Variants in CEP112 observed in about 807,000 individuals in gnomAD.
CEP112 encodes centrosomal protein 112.
In CEP112, 127 loss-of-function variants were observed where a neutral mutation model predicts 153.0. The observed-to-expected ratio is 0.83, with a 90% CI of 0.72 to 0.96. CEP112 has a LOEUF of 0.96. Ranked by LOEUF, CEP112 falls within the 40% of genes least tolerant of loss-of-function variation. CEP112 has a pLI of 0.00. For missense variants in CEP112, 1,089 were observed against 1,101.2 expected (o/e 0.99, Z 0.16); for synonymous variants, 358 against 374.4 (o/e 0.96, Z 0.51).
intron 19 of CEP112, among the ~76,000 whole-genome samples, 198 bp from the exon 20 acceptor site, chr17:65,902,532 A>G (rs1386027483): frequency 6.6e-6 from 1 of 152,048 alleles, no homozygotes; most frequent in Non-Finnish European, 1.5e-5. Context: ...ATAGTTGGGC[A>G]TATTCAGTAA....
At chr17:66,050,387 C>A (rs1478331158) in intron 12 of CEP112, among the ~76,000 whole-genome samples, 1 of 152,144 alleles carries the variant, frequency 6.6e-6, no homozygotes, top group Non-Finnish European at 1.5e-5. Flanking sequence ...GGGATCTGTT[C>A]ACCACACTTG....
chr17:65,759,742 C>T (rs1195813319), intron 21 of CEP112, among the ~76,000 whole-genome samples: 4 of 152,084 alleles, frequency 2.6e-5, no homozygotes, highest in African/African-American at 9.7e-5. Flanking sequence ...ATGAGGTAAG[C>T]GCTCATTTAG....
chr17:65,938,297 C>G (rs1485240440), intron 18 of CEP112, among the ~76,000 whole-genome samples: 1 of 142,572 alleles, frequency 7.0e-6, no homozygotes, highest in African/African-American at 2.6e-5. Context: ...CCGCAGGGTC[C>G]TCTGCCTAGG....
intron 17 of CEP112, among the ~76,000 whole-genome samples, chr17:65,970,448 T>C (rs956909049): frequency 1.7e-5 from 1 of 59,608 alleles, no homozygotes; most frequent in African/African-American, 4.6e-5. Flanking sequence ...CATGCATGTA[T>C]ATTACATGCA....
At chr17:65,809,591 G>T (rs1347772809) in intron 21 of CEP112, among the ~76,000 whole-genome samples, 1 of 152,172 alleles carries the variant, frequency 6.6e-6, no homozygotes, top group Admixed American at 6.5e-5. Flanking sequence ...AGGCGTGAAA[G>T]AAAGAAATGT....
intron 19 of CEP112, among the ~76,000 whole-genome samples, chr17:65,922,229 ATC>A (rs1223489830): frequency 6.6e-6 from 1 of 151,988 alleles, no homozygotes; most frequent in East Asian, 1.9e-4. Context: ...TTCATTTCTT[ATC>A]TCTCTCTTTC....
chr17:65,843,087 A>G (rs2057584949), intron 21 of CEP112, among the ~76,000 whole-genome samples: 1 of 152,176 alleles, frequency 6.6e-6, no homozygotes, highest in Non-Finnish European at 1.5e-5. Context: ...AACCCCTGTC[A>G]TAGTCAAGAA....
At chr17:66,077,142 C>A (rs1390826761) in intron 8 of CEP112, among the ~76,000 whole-genome samples, 2 of 152,114 alleles carry the variant, frequency 1.3e-5, no homozygotes, top group African/African-American at 4.8e-5. Flanking sequence ...AAACAAGGCT[C>A]TTTAACACCC....
intron 24 of CEP112, among the ~76,000 whole-genome samples, chr17:65,659,449 C>T (rs2046237415): frequency 6.6e-6 from 1 of 152,182 alleles, no homozygotes; most frequent in African/African-American, 2.4e-5. Context: ...GTATTCTATA[C>T]AAAACACAAA....
chr17:65,855,178 C>T (rs1450346818), intron 20 of CEP112, among the ~76,000 whole-genome samples: 2 of 152,044 alleles, frequency 1.3e-5, no homozygotes, highest in Non-Finnish European at 2.9e-5. Flanking sequence ...AATAGAAAAC[C>T]GCTGTAAGAA....
chr17:66,044,237 T>C (rs549383364), intron 12 of CEP112, among the ~76,000 whole-genome samples: 1 of 152,078 alleles, frequency 6.6e-6, no homozygotes, highest in African/African-American at 2.4e-5. Flanking sequence ...AAATAAAATA[T>C]ACCTATGCAA....
At chr17:66,151,641 T>C (rs538141767) in intron 4 of CEP112, among the ~76,000 whole-genome samples, 7 of 152,356 alleles carry the variant, frequency 4.6e-5, no homozygotes, top group East Asian at 1.9e-4. Flanking sequence ...TGCCATGCTG[T>C]AGGCTATCCT....
intron 2 of CEP112, among the ~76,000 whole-genome samples, chr17:66,177,871 T>A (rs2072553347): frequency 6.6e-6 from 1 of 152,196 alleles, no homozygotes; most frequent in African/African-American, 2.4e-5. Flanking sequence ...GTTCCAGCCA[T>A]GTTGTTGCAA....
intron 8 of CEP112, among the ~76,000 whole-genome samples, chr17:66,074,688 C>T (rs1477701490): frequency 6.6e-6 from 1 of 151,922 alleles, no homozygotes; most frequent in African/African-American, 2.4e-5. Flanking sequence ...CATGGTGAAA[C>T]CCCGTCTCTA....
chr17:65,750,583 G>A (rs2051765322), intron 22 of CEP112, 79 bp downstream of exon 22: 1 of 1,191,720 alleles, frequency 8.4e-7, no homozygotes, highest in African/African-American at 1.5e-5. Context: ...AGTTTAACTT[G>A]AAAGTGCCAA....
intron 21 of CEP112, among the ~76,000 whole-genome samples, chr17:65,815,363 T>C (rs979716312): frequency 4.6e-5 from 7 of 152,138 alleles, no homozygotes; most frequent in African/African-American, 1.7e-4. Context: ...AGACTCTTTA[T>C]TTTGTTCCAC....
At chr17:66,178,245 T>C (rs1344085242) in intron 2 of CEP112, among the ~76,000 whole-genome samples, 1 of 152,222 alleles carries the variant, frequency 6.6e-6, no homozygotes, top group Non-Finnish European at 1.5e-5. Flanking sequence ...TGTCTTTGGA[T>C]AAAAGCCATT....
Position 65,815,748 on chromosome 17 carries a change from T to C in CEP112, c.2394+36056A>G, listed in dbSNP as rs570359755. On this transcript the variant is annotated intron_variant, in intron 21 of 26. Transcript: ENST00000535342. The stretch of plus-strand genomic sequence containing the variant: ...AACAAGTATTTCATATTTGTGATGA[T>C]GTTGTAAATGGCTGATTTTAAAAAA... Among the ~76,000 whole-genome samples, 182 of 152,276 alleles carry C rather than the reference T, an allele frequency of 1.2e-3. 1 individual carries two copies. The highest frequency in any genetic ancestry group is 4.3e-3 in the African/African-American group (180 of 41,590).
rs747862947 is a variant in CEP112 at position 65,961,445 on chromosome 17, G to A, written c.1872+18C>T. The A allele has an allele frequency of 2.5e-6, 4 of 1,579,646 alleles. No homozygotes were observed. In the South Asian group the frequency reaches 3.4e-5, roughly 13 times the overall value. On this transcript the variant is annotated intron_variant, in intron 18 of 26. Transcript: ENST00000535342. Reference sequence around the variant, plus strand: ...GAGAGAGTGACTTTCAAAAGGGATGGTGTGGCAGCCTCCTTACCTGCTCTT... The same window carrying A: ...GAGAGAGTGACTTTCAAAAGGGATGATGTGGCAGCCTCCTTACCTGCTCTT...
Sources: allele counts gnomAD v4.1 joint callset (sites outside exome capture counted in the v4.1 genomes callset), GRCh38; gene constraint gnomAD v4.1.1; transcripts MANE v1.5; gene names NCBI Gene and HGNC (gene_info 2026-07-23, HGNC 2026-07-21).